Variants in USP50 observed in about 807,000 individuals in gnomAD.
The protein encoded by USP50 is ubiquitin specific peptidase 50, also known as ubiquitin carboxyl-terminal hydrolase 50.
Under a neutral mutation model 39.2 loss-of-function variants are expected in USP50, and 37 were observed. That is an observed-to-expected ratio of 0.94 (90% CI 0.73 to 1.24). The LOEUF (loss-of-function observed/expected upper bound fraction) is 1.24. Ranked by LOEUF, USP50 falls within the 50% of genes most tolerant of loss-of-function variation. The pLI is 0.00. For missense variants in USP50, 374 were observed against 398.2 expected (o/e 0.94, Z 0.52); for synonymous variants, 139 against 144.5 (o/e 0.96, Z 0.27).
intron 4 of USP50, 87 bp downstream of exon 4, chr15:50,540,962 T>C: frequency 2.0e-6 from 2 of 1,007,040 alleles, no homozygotes; most frequent in Admixed American, 2.2e-5. Flanking sequence ...CCGTCTCTCA[T>C]ACTAAACAAA....
intron 4 of USP50, among the ~76,000 whole-genome samples, chr15:50,539,140 C>T (rs1241525978): frequency 7.0e-6 from 1 of 142,104 alleles, no homozygotes; most frequent in Non-Finnish European, 1.5e-5. Flanking sequence ...GATGGAGTCT[C>T]GCTCTGTCAC....
downstream of USP50, chr15:50,497,584 T>TTAAA (rs1429277088): frequency 6.3e-6 from 1 of 159,460 alleles, no homozygotes; most frequent in South Asian, 2.0e-4. Context: ...TAGTTATGTG[T>TTAAA]TAAATAAAAT....
Position 50,514,876 on chromosome 15 carries a change from G to T in USP50, c.937-14039C>A, listed in dbSNP as rs1327472626. On this transcript the variant is annotated intron_variant, in intron 6 of 6. Coordinates refer to ENST00000532404, the MANE Select transcript of USP50 (RefSeq NM_203494.5). ...CTGGGCATGATGGCACTTGCCTGTC[G>T]TCCCAACCACTCAGGAGGCTGAGAT... Among the ~76,000 whole-genome samples, 12 of 150,610 alleles carry T rather than the reference G, an allele frequency of 8.0e-5. No homozygotes were observed. In the Admixed American group the frequency reaches 8.0e-4, roughly 10 times the overall value.
intron 1 of USP50, chr15:50,494,137 A>G: frequency 6.2e-7 from 1 of 1,612,476 alleles, no homozygotes; most frequent in African/African-American, 1.3e-5. Context: ...AGCCCTGTGG[A>G]CAGGACAGTA....
chr15:50,539,113 GTT>G (rs58459024), intron 4 of USP50, among the ~76,000 whole-genome samples: 1 of 137,004 alleles, frequency 7.3e-6, no homozygotes, highest in African/African-American at 2.8e-5. Flanking sequence ...TTTTGGTTTT[GTT>G]TTTTTTTTTT....
downstream of USP50, chr15:50,493,509 T>TA (rs1193808566): frequency 3.9e-6 from 2 of 518,170 alleles, no homozygotes; most frequent in Non-Finnish European, 7.7e-6. Flanking sequence ...TCCTAGCACT[T>TA]TGGGAGGCTG....
chr15:50,540,985 C>T (rs2053023731), intron 4 of USP50, 64 bp downstream of exon 4: 1 of 1,281,746 alleles, frequency 7.8e-7, no homozygotes, highest in South Asian at 1.3e-5. Context: ...TAGGAAACAG[C>T]CCCGAGAAAA....
intron 6 of USP50, chr15:50,503,307 T>G (rs1050901425): frequency 3.3e-5 from 5 of 152,470 alleles, no homozygotes; most frequent in African/African-American, 1.2e-4. Context: ...ATCATGCCAT[T>G]GCATTCCAGC....
chr15:50,528,912 C>G (rs1489369708), intron 6 of USP50, among the ~76,000 whole-genome samples: 1 of 152,144 alleles, frequency 6.6e-6, no homozygotes, highest in Admixed American at 6.6e-5. Flanking sequence ...ATAACTGGAC[C>G]TCCAGGTACA....
chr15:50,522,386 T>C (rs550500063), intron 6 of USP50, among the ~76,000 whole-genome samples: 82 of 152,084 alleles, frequency 5.4e-4, no homozygotes, highest in Non-Finnish European at 1.0e-3. Context: ...TACAATGAAA[T>C]TGAATTAGTA....
chr15:50,498,553 G>GTATC (rs1448982022), downstream of USP50: 1 of 1,549,620 alleles, frequency 6.5e-7, no homozygotes, highest in Non-Finnish European at 8.7e-7. Context: ...ATTCATCCTG[G>GTATC]TATCTTCCTC....
intron 3 of USP50, 84 bp downstream of exon 3, chr15:50,543,514 A>G: frequency 7.4e-7 from 1 of 1,342,548 alleles, no homozygotes; most frequent in South Asian, 1.3e-5. Context: ...GACAATATTA[A>G]TTGAACAAGT....
intron 6 of USP50, chr15:50,506,561 G>A (rs574786457): frequency 6.6e-6 from 1 of 152,206 alleles, no homozygotes; most frequent in African/African-American, 2.4e-5. Context: ...AGAAAAATAA[G>A]GCTAACATAA....
At chr15:50,498,343 G>A, downstream of USP50, 1 of 357,484 alleles carries the variant, frequency 2.8e-6, no homozygotes, top group Non-Finnish European at 5.0e-6. Flanking sequence ...CTGGACCAGA[G>A]TATAGTCCTA....
intron 6 of USP50, 100 bp downstream of exon 6, chr15:50,529,697 G>A (rs1251398463): frequency 2.3e-6 from 3 of 1,331,852 alleles, no homozygotes; most frequent in Non-Finnish European, 1.0e-6. Context: ...TTAAAAGTAG[G>A]GCATAAGCCA....
chr15:50,525,442 CTTGAT>C (rs1413294413), intron 6 of USP50, among the ~76,000 whole-genome samples: 41 of 150,886 alleles, frequency 2.7e-4, no homozygotes, highest in African/African-American at 9.5e-4. Flanking sequence ...AATATGTTAG[CTTGAT>C]TTAATCATTC....
chr15:50,539,074 A>C (rs375235567), intron 4 of USP50, among the ~76,000 whole-genome samples: 1 of 150,560 alleles, frequency 6.6e-6, no homozygotes, highest in Non-Finnish European at 1.5e-5. Flanking sequence ...TTGAGTGCCT[A>C]CCTCACTTAT....
chr15:50,535,106 T>TC (rs940664112), intron 5 of USP50, among the ~76,000 whole-genome samples: 1 of 151,782 alleles, frequency 6.6e-6, no homozygotes, highest in Non-Finnish European at 1.5e-5. Context: ...ACCACTGCAC[T>TC]CCAGCCTGGG....
At chr15:50,538,965 CAA>C in intron 4 of USP50, 114 bp from the exon 5 acceptor site, 1 of 1,125,454 alleles carries the variant, frequency 8.9e-7, no homozygotes, top group East Asian at 2.6e-5. Flanking sequence ...GTGCTTTTCT[CAA>C]AGTCAACAAA....
Sources: allele counts gnomAD v4.1 joint callset (sites outside exome capture counted in the v4.1 genomes callset), GRCh38; gene constraint gnomAD v4.1.1; transcripts MANE v1.5; gene names NCBI Gene and HGNC (gene_info 2026-07-23, HGNC 2026-07-21).